CENPA: variants seen among roughly 807,000 people sequenced by gnomAD.
CENPA encodes centromere protein A, also known as histone H3-like centromeric protein A.
Under a neutral mutation model 17.2 loss-of-function variants are expected in CENPA, and 7 were observed. That is an observed-to-expected ratio of 0.41 (90% confidence interval 0.23 to 0.76). The LOEUF (loss-of-function observed/expected upper bound fraction) is 0.76. Among genes scored for constraint, CENPA ranks in the 30% least tolerant of loss-of-function variants. The pLI, the probability that CENPA is intolerant of heterozygous loss-of-function variation, is 0.34. For synonymous variants in CENPA, 82 were observed against 77.4 expected (o/e 1.06, Z -0.31); for missense variants, 149 against 193.1 (o/e 0.77, Z 1.35).
rs992707750 is a variant in CENPA at position 26,793,367 on chromosome 2, T to C, written c.*47+41T>C. ...TTCACAGGACTGGGGCTGGAATTTC[T>C]CAAGTAATTTCCTTTCTCCATCCAT... is the stretch of plus-strand genomic sequence containing the variant. On this transcript the variant is annotated intron_variant, in intron 4 of 4. Coordinates refer to ENST00000335756, the MANE Select transcript of CENPA (RefSeq NM_001809.4). 19 of 1,523,238 alleles carry C rather than the reference T, an allele frequency of 1.2e-5. No individual in the cohort carries two copies. In the Admixed American group the frequency reaches 3.7e-4, roughly 29 times the overall value. 94.4% of individuals were successfully genotyped at this position (1,523,238 alleles called of 1,614,324 possible).
At chr2:26,786,416 C>T in intron 1 of CENPA, 120 bp downstream of exon 1, 1 of 1,224,330 alleles carries the variant, frequency 8.2e-7, no homozygotes, top group African/African-American at 1.6e-5. Flanking sequence ...GTTCCGCCGT[C>T]CGGCATCCGC....
rs545735548 is a variant in CENPA, at chr2:26,794,517, T to A, written c.*753T>A. ...AACAGTTCAGAATTTTAAAGTACATTTTCGATGCTTTTATGGGTATTTTTG... is the reference window on the plus strand; with the variant it reads ...AACAGTTCAGAATTTTAAAGTACATATTCGATGCTTTTATGGGTATTTTTG... On this transcript the variant is annotated 3_prime_UTR_variant, in exon 5 of 5. Coordinates refer to ENST00000335756, the MANE Select transcript of CENPA (RefSeq NM_001809.4). 1 of 152,338 alleles carries A rather than the reference T, an allele frequency of 6.6e-6. No individual in the cohort carries two copies. The highest frequency in any genetic ancestry group is 1.5e-5 in the Non-Finnish European group (1 of 68,032). 9.4% of individuals were successfully genotyped at this position (152,338 alleles called of 1,614,324 possible).
intron 1 of CENPA, among the ~76,000 whole-genome samples, chr2:26,787,929 C>T (rs955194749): frequency 6.6e-6 from 1 of 151,730 alleles, no homozygotes; most frequent in Non-Finnish European, 1.5e-5. Context: ...TTCATTTCTA[C>T]ACATTTTATT....
chr2:26,792,477 G>T, intron 2 of CENPA: 1 of 712,088 alleles, frequency 1.4e-6, no homozygotes. Context: ...GTATAAATAG[G>T]AACTCTCTCG....
chr2:26,792,744 A>T lies in CENPA; in HGVS notation c.211-12A>T, dbSNP rs752747368. The T allele has an allele frequency of 1.5e-5, 21 of 1,391,390 alleles. No homozygotes were observed. The Admixed American group carries it at 3.4e-4, about 23-fold the overall frequency. The allele number at this position is 1,391,390 out of a possible 1,614,324, so 86.2% of individuals were successfully genotyped here. On this transcript the variant is annotated splice_polypyrimidine_tract_variant and intron_variant, in intron 2 of 4. Coordinates refer to ENST00000335756, the MANE Select transcript of CENPA (RefSeq NM_001809.4). Reference sequence around the variant, plus strand: ...CCTACTCCTACTCCTCCCCTTCCCCACTCCTTCACAGGCAAGAGAAATATG... The same window carrying T: ...CCTACTCCTACTCCTCCCCTTCCCCTCTCCTTCACAGGCAAGAGAAATATG...
chr2:26,789,039 A>G (rs1664569797), intron 1 of CENPA, among the ~76,000 whole-genome samples: 1 of 151,466 alleles, frequency 6.6e-6, no homozygotes, highest in Non-Finnish European at 1.5e-5. Flanking sequence ...ACTTCCCTAT[A>G]CCTCCCATTT....
At chr2:26,786,401 A>G (rs992663506) in intron 1 of CENPA, 105 bp downstream of exon 1, 1 of 1,248,076 alleles carries the variant, frequency 8.0e-7, no homozygotes, top group Non-Finnish European at 1.0e-6. Context: ...TTGGGGGACA[A>G]CGCGGTTCCG....
At chr2:26,786,356 G>A in intron 1 of CENPA, 60 bp downstream of exon 1, 1 of 1,291,230 alleles carries the variant, frequency 7.7e-7, no homozygotes, top group Non-Finnish European at 9.8e-7. Flanking sequence ...GCGGAGCCCG[G>A]ATCTCCCGAG....
chr2:26,786,768 AT>A (rs945826918), intron 1 of CENPA, among the ~76,000 whole-genome samples: 22 of 152,286 alleles, frequency 1.4e-4, no homozygotes, highest in African/African-American at 5.3e-4. Flanking sequence ...TTCGGTGACG[AT>A]TTCAAACAGG....
chr2:26,788,568 T>G (rs1004284483), intron 1 of CENPA, among the ~76,000 whole-genome samples: 19 of 152,224 alleles, frequency 1.2e-4, no homozygotes, highest in African/African-American at 3.9e-4. Flanking sequence ...GGTCATATCC[T>G]TCTTTCACCT....
intron 1 of CENPA, among the ~76,000 whole-genome samples, chr2:26,788,547 CA>C (rs1375920312): frequency 6.6e-5 from 10 of 152,176 alleles, no homozygotes; most frequent in Non-Finnish European, 1.3e-4. Context: ...CTTCCTTCTA[CA>C]TGGGGTCTTG....
At chr2:26,793,393 A>T (rs1425785173) in intron 4 of CENPA, 67 bp downstream of exon 4, 6 of 1,387,250 alleles carry the variant, frequency 4.3e-6, no homozygotes, top group Non-Finnish European at 5.9e-6. Context: ...CTCCATCCAT[A>T]GTCCCTTGTC....
chr2:26,788,364 CA>C (rs34486872), intron 1 of CENPA, among the ~76,000 whole-genome samples: 2,085 of 147,460 alleles, frequency 0.014, 52 homozygotes, highest in African/African-American at 0.049. Flanking sequence ...CTCTACAGAA[CA>C]AAAAAAAAAC....
intron 1 of CENPA, among the ~76,000 whole-genome samples, chr2:26,790,865 T>C (rs1292120293): frequency 6.6e-6 from 1 of 152,274 alleles, no homozygotes; most frequent in Non-Finnish European, 1.5e-5. Flanking sequence ...CCCTACTTGC[T>C]CTTGCAGCTC....
intron 2 of CENPA, 42 bp downstream of exon 2, chr2:26,792,282 CT>C: frequency 2.6e-6 from 4 of 1,510,462 alleles, no homozygotes; most frequent in Non-Finnish European, 3.6e-6. Flanking sequence ...TGCCACCCTC[CT>C]TTTTTTAAAT....
rs757683161 is a variant in CENPA at position 26,793,327 on chromosome 2, G to C, written c.*47+1G>C. ...TCAGTCTTTCCTGCTCAGCCAGGGG[G>C]TAAGCTCATCCTCTTTCACAGGACT... On this transcript the variant is annotated splice_donor_variant, in intron 4 of 4. Coordinates refer to ENST00000335756, the MANE Select transcript of CENPA (RefSeq NM_001809.4). LOFTEE classifies it low-confidence loss of function (3UTR_SPLICE). 1.9e-6 allele frequency: 3 copies of C among 1,604,304 alleles called. No individual in the cohort carries two copies. Among genetic ancestry groups the C allele is most frequent in the Non-Finnish European group, 1.7e-6 (2 of 1,175,910 alleles).
chr2:26,786,471 G>C (rs181360891), intron 1 of CENPA, among the ~76,000 whole-genome samples, 175 bp downstream of exon 1: 71 of 152,380 alleles, frequency 4.7e-4, no homozygotes, highest in African/African-American at 1.7e-3. Context: ...TGGAGCAGGC[G>C]GTTCCGAAAG....
At chr2:26,786,996 CA>C (rs1246287802) in intron 1 of CENPA, among the ~76,000 whole-genome samples, 3 of 152,240 alleles carry the variant, frequency 2.0e-5, no homozygotes, top group Non-Finnish European at 4.4e-5. Context: ...TACATGGTGG[CA>C]ACAGCTGCTT....
chr2:26,787,255 G>A (rs771716656), intron 1 of CENPA, among the ~76,000 whole-genome samples: 1 of 152,040 alleles, frequency 6.6e-6, no homozygotes, highest in Non-Finnish European at 1.5e-5. Flanking sequence ...AGGCTTTGTC[G>A]CCCAGGCTGG....
Sources: allele counts gnomAD v4.1 joint callset (sites outside exome capture counted in the v4.1 genomes callset), GRCh38; gene constraint gnomAD v4.1.1; transcripts MANE v1.5; gene names NCBI Gene and HGNC (gene_info 2026-07-23, HGNC 2026-07-21).